Variants in PTPRD observed in about 807,000 individuals in gnomAD.
PTPRD encodes protein tyrosine phosphatase receptor type D.
A neutral mutation model predicts 214.5 loss-of-function variants in PTPRD; 34 were observed. That is an observed-to-expected ratio of 0.16 (90% CI 0.12 to 0.21). The LOEUF (loss-of-function observed/expected upper bound fraction) is 0.21. Among genes scored for constraint, PTPRD ranks in the 10% least tolerant of loss-of-function variants. The pLI, the probability that PTPRD is intolerant of heterozygous loss-of-function variation, is 1.00. For synonymous variants in PTPRD, 1,128 were observed against 845.7 expected (o/e 1.33, Z -5.79); for missense variants, 2,545 against 2,398.7 (o/e 1.06, Z -1.27).
chr9:8,460,327 C>T (rs778203148), intron 33 of PTPRD, 84 bp downstream of exon 33: 1 of 1,501,644 alleles, frequency 6.7e-7, no homozygotes, highest in Admixed American at 1.8e-5. Context: ...TAAAATCAAC[C>T]ACCTAAGGAC....
intron 2 of PTPRD, among the ~76,000 whole-genome samples, chr9:10,411,569 A>C (rs963838092): frequency 1.3e-5 from 2 of 151,774 alleles, no homozygotes; most frequent in Admixed American, 6.6e-5. Flanking sequence ...CTATGTTCCT[A>C]AATTAACCCC....
chr9:10,215,182 A>C (rs1369191897), intron 3 of PTPRD, among the ~76,000 whole-genome samples: 1 of 152,050 alleles, frequency 6.6e-6, no homozygotes, highest in Non-Finnish European at 1.5e-5. Context: ...ACCATAAATA[A>C]AAGTCAGAAA....
intron 3 of PTPRD, among the ~76,000 whole-genome samples, chr9:10,081,276 T>C (rs900230283): frequency 6.6e-6 from 1 of 152,130 alleles, no homozygotes; most frequent in Non-Finnish European, 1.5e-5. Context: ...TACACATCAA[T>C]AATTAGTTAC....
chr9:8,956,107 G>A (rs2099130230), intron 11 of PTPRD, among the ~76,000 whole-genome samples: 1 of 151,878 alleles, frequency 6.6e-6, no homozygotes, highest in Non-Finnish European at 1.5e-5. Context: ...CTTTCCAGCA[G>A]CAATAAATTA....
chr9:8,573,049 G>A (rs2091563038), intron 14 of PTPRD, among the ~76,000 whole-genome samples: 2 of 152,008 alleles, frequency 1.3e-5, no homozygotes, highest in South Asian at 4.1e-4. Flanking sequence ...TTCATGATCT[G>A]TTGGTTTCTA....
chr9:9,804,520 CT>C (rs2099061220), intron 5 of PTPRD, among the ~76,000 whole-genome samples: 1 of 152,066 alleles, frequency 6.6e-6, no homozygotes, highest in South Asian at 2.1e-4. Flanking sequence ...CAGAAAGGAA[CT>C]TTTTATCTTT....
At chr9:10,243,703 A>G (rs13300585) in intron 3 of PTPRD, among the ~76,000 whole-genome samples, 56,300 of 151,568 alleles carry the variant, frequency 0.37, 12,388 homozygotes, top group Non-Finnish European at 0.49. Flanking sequence ...CACCTGGTAT[A>G]TAATCCTACT....
intron 9 of PTPRD, among the ~76,000 whole-genome samples, chr9:9,312,137 A>T (rs1479141095): frequency 6.6e-6 from 1 of 152,198 alleles, no homozygotes; most frequent in African/African-American, 2.4e-5. Flanking sequence ...GATTTCAGCA[A>T]ATCAAAATAT....
intron 8 of PTPRD, among the ~76,000 whole-genome samples, chr9:9,568,137 T>C (rs767624359): frequency 2.6e-5 from 4 of 151,894 alleles, no homozygotes; most frequent in Non-Finnish European, 4.4e-5. Context: ...TCTTAACTTC[T>C]TATTTGTATA....
intron 7 of PTPRD, among the ~76,000 whole-genome samples, chr9:9,597,231 C>T (rs567269392): frequency 3.6e-4 from 54 of 151,980 alleles, no homozygotes; most frequent in African/African-American, 1.2e-3. Flanking sequence ...ATATAACCTC[C>T]CCCACCGCAG....
chr9:8,553,049 G>T (rs1002243494), intron 14 of PTPRD, among the ~76,000 whole-genome samples: 1 of 152,124 alleles, frequency 6.6e-6, no homozygotes, highest in African/African-American at 2.4e-5. Context: ...GCCCAGACTA[G>T]AATAACTGCC....
At chr9:8,768,828 T>A in intron 11 of PTPRD, among the ~76,000 whole-genome samples, 1 of 152,218 alleles carries the variant, frequency 6.6e-6, no homozygotes, top group East Asian at 1.9e-4. Flanking sequence ...GTAACCTAGC[T>A]CTTCTTTTAA....
intron 34 of PTPRD, chr9:8,437,187 G>C: frequency 1.3e-6 from 2 of 1,521,824 alleles, no homozygotes; most frequent in Middle Eastern, 3.4e-4. Context: ...GCATAATCAA[G>C]GAAAACTAAC....
intron 3 of PTPRD, among the ~76,000 whole-genome samples, chr9:10,126,440 C>T (rs959231639): frequency 2.7e-4 from 41 of 150,730 alleles, no homozygotes; most frequent in Middle Eastern, 3.4e-3. Context: ...CACACACACA[C>T]ACACACACAC....
intron 5 of PTPRD, among the ~76,000 whole-genome samples, chr9:9,915,195 T>G (rs1020219575): frequency 1.3e-5 from 2 of 152,142 alleles, no homozygotes; most frequent in Non-Finnish European, 2.9e-5. Flanking sequence ...CCACACACCC[T>G]ACCAAACTGA....
chr9:9,966,821 G>A (rs1007687752), intron 4 of PTPRD, among the ~76,000 whole-genome samples: 89 of 152,230 alleles, frequency 5.8e-4, no homozygotes, highest in African/African-American at 2.0e-3. Flanking sequence ...AGAGCATCGA[G>A]GAAGAGAAGA....
chr9:8,788,712 G>A (rs1388003719), intron 11 of PTPRD, among the ~76,000 whole-genome samples: 2 of 152,156 alleles, frequency 1.3e-5, no homozygotes, highest in African/African-American at 4.8e-5. Context: ...GTTTTCAAGT[G>A]CAAAATCAAA....
intron 10 of PTPRD, among the ~76,000 whole-genome samples, chr9:9,109,882 G>C (rs910950911): frequency 8.5e-5 from 13 of 152,096 alleles, no homozygotes; most frequent in African/African-American, 2.9e-4. Flanking sequence ...GGAAAGCTTA[G>C]ATTTTGAAAA....
At chr9:10,304,275 A>G (rs1395886193) in intron 3 of PTPRD, among the ~76,000 whole-genome samples, 10 of 152,266 alleles carry the variant, frequency 6.6e-5, no homozygotes, top group African/African-American at 2.2e-4. Flanking sequence ...AAATAGTAAG[A>G]GCTATTTATG....
Sources: gnomAD v4.1 joint callset for allele counts (sites outside exome capture counted in the v4.1 genomes callset) on GRCh38, gnomAD v4.1.1 for gene constraint, MANE v1.5 for transcripts, NCBI Gene and HGNC (gene_info 2026-07-23, HGNC 2026-07-21) for gene names.